Variants in DLG2 observed in about 807,000 individuals in gnomAD.
DLG2 encodes the protein disks large homolog 2.
In DLG2, 45 loss-of-function variants were observed where a neutral mutation model predicts 132.5. That is an observed-to-expected ratio of 0.34 (90% CI 0.27 to 0.44). The LOEUF is 0.44. Among genes scored for constraint, DLG2 ranks in the 20% least tolerant of loss-of-function variants. DLG2 has a pLI of 1.00. For synonymous variants in DLG2, 424 were observed against 419.6 expected (o/e 1.01, Z -0.13); for missense variants, 1,045 against 1,196.9 (o/e 0.87, Z 1.87).
chr11:83,487,627 T>C (rs1261976878), intron 21 of DLG2, among the ~76,000 whole-genome samples: 1 of 152,042 alleles, frequency 6.6e-6, no homozygotes, highest in Admixed American at 6.6e-5. Context: ...AGTGCTTGAC[T>C]CTCTTAAGTG....
chr11:84,776,992 C>G lies in DLG2; in HGVS notation c.358-242261G>C, dbSNP rs532161713. Among the ~76,000 whole-genome samples the G allele has an allele frequency of 3.9e-5, 6 of 151,998 alleles. No individual in the cohort carries two copies. The South Asian group carries it at 1.0e-3, about 26-fold the overall frequency. On this transcript the variant is annotated intron_variant, in intron 6 of 27. Transcript: ENST00000376104. ...GTCAGGGCTTTTAGGGTATCCATCA[C>G]TCAAATAACATACATTGTACCCATT...
In DLG2 at chr11:83,455,343, C is replaced by T. The variant is rs1397719293; in HGVS notation, c.*4475G>A. On this transcript the variant is annotated 3_prime_UTR_variant, in exon 28 of 28. Transcript: ENST00000376104. ...TGCTACAGCTCGGTGGAGAAACATCCTGTCAGAGAGAAGCACAAAACTGTC... is the reference window on the plus strand; with the variant it reads ...TGCTACAGCTCGGTGGAGAAACATCTTGTCAGAGAGAAGCACAAAACTGTC... The T allele has an allele frequency of 6.6e-6, 1 of 152,580 alleles. No individual in the cohort carries two copies. The highest frequency in any genetic ancestry group is 1.5e-5 in the Non-Finnish European group (1 of 68,058). 9.5% of individuals were successfully genotyped at this position (152,580 alleles called of 1,614,324 possible). A position where few individuals can be genotyped will look rare whatever the true frequency, so the allele number is the denominator to read the frequency against.
At chr11:85,528,828 C>T (rs190649458) in intron 3 of DLG2, among the ~76,000 whole-genome samples, 144 of 152,204 alleles carry the variant, frequency 9.5e-4, no homozygotes, top group African/African-American at 3.2e-3. Flanking sequence ...TGCAGAAAGA[C>T]GCACAAATAT....
chr11:84,600,248 C>G (rs1246469837), intron 6 of DLG2, among the ~76,000 whole-genome samples: 1 of 149,032 alleles, frequency 6.7e-6, no homozygotes, highest in East Asian at 2.0e-4. Flanking sequence ...GAAAAGCAAG[C>G]AAGCAAGCAG....
chr11:85,484,668 G>A (rs915889438), intron 3 of DLG2, among the ~76,000 whole-genome samples: 2 of 152,074 alleles, frequency 1.3e-5, no homozygotes, highest in African/African-American at 4.8e-5. Context: ...CCTCACGCCA[G>A]TTAGAATGGC....
chr11:84,223,228 G>A (rs2096940488), intron 8 of DLG2, among the ~76,000 whole-genome samples: 2 of 152,196 alleles, frequency 1.3e-5, no homozygotes, highest in African/African-American at 2.4e-5. Flanking sequence ...TGAGGTAGGA[G>A]TTGAGAGTAG....
intron 7 of DLG2, among the ~76,000 whole-genome samples, chr11:84,466,585 C>G (rs1428629947): frequency 1.3e-5 from 2 of 151,336 alleles, no homozygotes; most frequent in African/African-American, 4.8e-5. Flanking sequence ...CACTGAGATA[C>G]TCTTTCATGC....
At chr11:85,302,017 C>CA (rs2079615880) in intron 3 of DLG2, among the ~76,000 whole-genome samples, 1 of 152,124 alleles carries the variant, frequency 6.6e-6, no homozygotes, top group South Asian at 2.1e-4. Flanking sequence ...ACACTCAGCA[C>CA]AAAATTATCT....
chr11:83,462,810 T>C (rs2090284981), intron 26 of DLG2, among the ~76,000 whole-genome samples: 2 of 152,160 alleles, frequency 1.3e-5, no homozygotes, highest in Non-Finnish European at 2.9e-5. Context: ...ACAACTATTA[T>C]ATATAAATTT....
chr11:83,758,488 G>A lies in DLG2; in HGVS notation c.1825+28202C>T, dbSNP rs115783716. 8.9e-3 allele frequency among the ~76,000 whole-genome samples: 1,356 copies of A among 152,170 alleles called. 20 individuals are homozygous for A. The highest frequency in any genetic ancestry group is 0.031 in the African/African-American group (1,294 of 41,496). Reference sequence around the variant, plus strand: ...CATTTATCGAAATCTATGAGACTTCGTTGCATAGTACAGCATAAATGAAGT... The same window carrying A: ...CATTTATCGAAATCTATGAGACTTCATTGCATAGTACAGCATAAATGAAGT... On this transcript the variant is annotated intron_variant, in intron 18 of 27. Transcript: ENST00000376104.
chr11:83,600,235 G>GA (rs2058305949), intron 19 of DLG2, among the ~76,000 whole-genome samples: 1 of 119,822 alleles, frequency 8.3e-6, no homozygotes, highest in African/African-American at 3.4e-5. Flanking sequence ...GCTAGCTATA[G>GA]GGTGTGTGTG....
intron 4 of DLG2, among the ~76,000 whole-genome samples, chr11:85,278,859 AAC>A (rs1208504883): frequency 1.3e-5 from 2 of 152,144 alleles, no homozygotes; most frequent in Non-Finnish European, 2.9e-5. Context: ...CCCATTTTCT[AAC>A]AGTATGACCC....
chr11:83,634,419 A>G (rs1055442595), intron 18 of DLG2, among the ~76,000 whole-genome samples: 2 of 152,158 alleles, frequency 1.3e-5, no homozygotes, highest in African/African-American at 4.8e-5. Context: ...AACTTCTATC[A>G]TTTCCTTGGC....
intron 8 of DLG2, among the ~76,000 whole-genome samples, chr11:84,193,924 G>A (rs1178892805): frequency 6.6e-6 from 1 of 152,104 alleles, no homozygotes; most frequent in Non-Finnish European, 1.5e-5. Context: ...CATTACCACA[G>A]AATCATCAAC....
chr11:85,569,603 T>G (rs1039653189), intron 3 of DLG2, among the ~76,000 whole-genome samples: 1 of 152,130 alleles, frequency 6.6e-6, no homozygotes, highest in African/African-American at 2.4e-5. Flanking sequence ...TTTCGGCCTT[T>G]CAAACGTGAA....
chr11:84,920,701 A>T (rs1408929589), intron 6 of DLG2, among the ~76,000 whole-genome samples: 1 of 95,110 alleles, frequency 1.1e-5, no homozygotes, highest in Non-Finnish European at 2.4e-5. Context: ...TCATATTCTG[A>T]TGTTTGTAAA....
chr11:83,620,638 A>T (rs912294137), intron 19 of DLG2, among the ~76,000 whole-genome samples: 1 of 152,016 alleles, frequency 6.6e-6, no homozygotes, highest in Non-Finnish European at 1.5e-5. Flanking sequence ...TGGAAGGCCG[A>T]GGCGGGCGGA....
chr11:83,568,121 T>C (rs1156518143), intron 19 of DLG2, among the ~76,000 whole-genome samples: 1 of 152,090 alleles, frequency 6.6e-6, no homozygotes, highest in Non-Finnish European at 1.5e-5. Context: ...CAAGAAAAAC[T>C]ATTAGGATGC....
At chr11:84,748,971 C>A (rs1251266956) in intron 6 of DLG2, among the ~76,000 whole-genome samples, 3 of 151,960 alleles carry the variant, frequency 2.0e-5, no homozygotes, top group African/African-American at 4.8e-5. Context: ...AAATTTGAGA[C>A]CAGCCTGGAC....
Sources: allele counts gnomAD v4.1 joint callset (sites outside exome capture counted in the v4.1 genomes callset), GRCh38; gene constraint gnomAD v4.1.1; transcripts MANE v1.5; gene names NCBI Gene and HGNC (gene_info 2026-07-23, HGNC 2026-07-21).